Variants in CCDC88C observed in about 807,000 individuals in gnomAD.
The protein encoded by CCDC88C is coiled-coil and HOOK domain protein 88C.
CCDC88C carries 131 observed loss-of-function variants against 198.8 expected under a neutral mutation model. The observed-to-expected ratio is 0.66, with a 90% CI of 0.57 to 0.76. The LOEUF (loss-of-function observed/expected upper bound fraction) is 0.76. Ranked by LOEUF, CCDC88C falls within the 30% of genes least tolerant of loss-of-function variation. The probability of loss-of-function intolerance (pLI) is 0.00; values close to 1 mark genes in which losing one functional copy is unlikely to be tolerated. For missense variants in CCDC88C, 2,553 were observed against 2,631.6 expected (o/e 0.97, Z 0.65); for synonymous variants, 1,166 against 1,114.7 (o/e 1.05, Z -0.92).
intron 20 of CCDC88C, among the ~76,000 whole-genome samples, chr14:91,301,060 A>G (rs1193927320): frequency 6.6e-6 from 1 of 152,184 alleles, no homozygotes; most frequent in African/African-American, 2.4e-5. Flanking sequence ...TTAATCAAGC[A>G]TGTCTCTAAC....
intron 3 of CCDC88C, chr14:91,379,933 GC>G: frequency 1.4e-6 from 1 of 702,914 alleles, no homozygotes; most frequent in South Asian, 1.5e-5. Context: ...GCGTTTGGGG[GC>G]TGAATACAGG....
chr14:91,274,068 C>A (rs1889856303), intron 29 of CCDC88C, among the ~76,000 whole-genome samples: 1 of 151,844 alleles, frequency 6.6e-6, no homozygotes, highest in African/African-American at 2.4e-5. Context: ...CCCCGGTCAC[C>A]CCGGGACATC....
rs923438306 is a variant in CCDC88C, at chr14:91,281,511, C to A, written c.4645G>T (p.Asp1549Tyr). Residue 1549 changes from aspartate (D) to tyrosine (Y), a missense_variant, in exon 27 of 30, where the codon GAC becomes TAC. Asp to Tyr is a radical substitution (Grantham distance 160, BLOSUM62 -3). Transcript: ENST00000389857. ...TCCAGGGATGGCTCACAGAGGTTGT[C>A]ATCTGAGTTATAGCCTAAGGTGAAA... is the stretch of plus-strand genomic sequence containing the variant. Reference protein sequence around the residue: ...PGRTKGYNSDDNLCEPSLEFE... With the variant: ...PGRTKGYNSDYNLCEPSLEFE... 4 of 1,613,728 alleles carry A rather than the reference C, an allele frequency of 2.5e-6. No homozygotes were observed. The African/African-American group carries it at 4.0e-5, about 16-fold the overall frequency.
intron 4 of CCDC88C, among the ~76,000 whole-genome samples, chr14:91,346,573 G>A (rs1018693123): frequency 3.3e-5 from 5 of 151,828 alleles, no homozygotes; most frequent in African/African-American, 9.7e-5. Context: ...CCCTATTAAC[G>A]TGGAGCTATT....
chr14:91,305,890 C>A lies in CCDC88C; in HGVS notation c.3232G>T (p.Glu1078Ter). 2 of 1,613,834 alleles carry A rather than the reference C, an allele frequency of 1.2e-6. No homozygotes were observed. Among genetic ancestry groups the A allele is most frequent in the South Asian group, 1.1e-5 (1 of 91,074 alleles). The change falls in exon 19 of 30, where the codon GAA becomes TAA. Residue 1078 changes from glutamate (E) to a stop codon, truncating the protein, a stop_gained. Coordinates refer to ENST00000389857, the MANE Select transcript of CCDC88C (RefSeq NM_001080414.4). LOFTEE classifies it high-confidence loss of function. The stretch of plus-strand genomic sequence containing the variant: ...TGGGTCTCCAGGTGCTGCAGCTGTT[C>A]CTTTAGCAGCTGCTTCTCAGCCTGC... ...ALQAEKQLLK[E>*]QLQHLETQNV...
intron 4 of CCDC88C, among the ~76,000 whole-genome samples, chr14:91,354,424 T>A (rs886325971): frequency 6.6e-6 from 1 of 152,228 alleles, no homozygotes; most frequent in Non-Finnish European, 1.5e-5. Flanking sequence ...AGACGTGAGC[T>A]CTTGCTTCTC....
At chr14:91,308,260 C>CA in intron 17 of CCDC88C, 91 bp downstream of exon 17, 1 of 1,478,418 alleles carries the variant, frequency 6.8e-7, no homozygotes, top group Non-Finnish European at 9.2e-7. Context: ...AATGGGTATC[C>CA]AGGCCACCCC....
intron 3 of CCDC88C, among the ~76,000 whole-genome samples, chr14:91,401,346 A>ATATT (rs1555430009): frequency 1.3e-3 from 171 of 127,034 alleles, no homozygotes; most frequent in African/African-American, 4.4e-3. Context: ...ATATATATAT[A>ATATT]TTTTTTGAGA....
In CCDC88C at chr14:91,352,899, C is replaced by T. The variant is rs1893879849; in HGVS notation, c.340+6743G>A. Among the ~76,000 whole-genome samples the T allele has an allele frequency of 6.6e-6, 1 of 152,168 alleles. No individual in the cohort carries two copies. The highest frequency in any genetic ancestry group is 1.5e-5 in the Non-Finnish European group (1 of 68,028). Reference sequence around the variant, plus strand: ...CAGCAGGAGGACTGTTCCTCACAAGCCGGACTCTGAGCCTGTGCCTGGGTT... The same window carrying T: ...CAGCAGGAGGACTGTTCCTCACAAGTCGGACTCTGAGCCTGTGCCTGGGTT... On this transcript the variant is annotated intron_variant, in intron 4 of 29. Coordinates refer to ENST00000389857, the MANE Select transcript of CCDC88C (RefSeq NM_001080414.4). This position sits in a 1 kb window ranked among gnomAD's most constrained non-coding sequence, Gnocchi z 4.2.
rs1488766520 is a variant in CCDC88C, at chr14:91,371,060, C to G, written c.271-11349G>C. 6.6e-6 allele frequency among the ~76,000 whole-genome samples: 1 copy of G among 152,132 alleles called. No homozygotes were observed. The highest frequency in any genetic ancestry group is 1.5e-5 in the Non-Finnish European group (1 of 68,014). On this transcript the variant is annotated intron_variant, in intron 3 of 29. Transcript: ENST00000389857. This position sits in a 1 kb window ranked among gnomAD's most constrained non-coding sequence, Gnocchi z 4.2. ...AGGATTAGGCTAAGGATGGAGAGAG[C>G]AGGACCCTTTCCCCACAGGACAGCA...
At chr14:91,362,330 C>G (rs1425158780) in intron 3 of CCDC88C, among the ~76,000 whole-genome samples, 1 of 152,130 alleles carries the variant, frequency 6.6e-6, no homozygotes, top group Non-Finnish European at 1.5e-5. Context: ...ATCCCCTTTC[C>G]AACTCTTGGC....
At chr14:91,283,685 G>C in intron 25 of CCDC88C, 168 bp from the exon 26 acceptor site, 1 of 651,456 alleles carries the variant, frequency 1.5e-6, no homozygotes, top group East Asian at 2.7e-5. Context: ...GGCGGGGCAG[G>C]TGGGGGCAAG....
intron 29 of CCDC88C, among the ~76,000 whole-genome samples, chr14:91,277,357 CG>C (rs1890008905): frequency 6.6e-6 from 1 of 152,138 alleles, no homozygotes; most frequent in African/African-American, 2.4e-5. Flanking sequence ...TTTGTAAAAA[CG>C]TATTTCACAT....
chr14:91,308,228 C>T (rs571711128), intron 17 of CCDC88C, 123 bp downstream of exon 17: 42 of 1,124,716 alleles, frequency 3.7e-5, no homozygotes, highest in African/African-American at 3.1e-4. Context: ...CACTCTGTGG[C>T]GCATCTACCC....
In CCDC88C at chr14:91,305,223, AAATAATTT is replaced by A. The variant is rs772127925; in HGVS notation, c.3357+534_3357+541del. Among the ~76,000 whole-genome samples the A allele has an allele frequency of 1.4e-4, 21 of 152,322 alleles. No individual in the cohort carries two copies. In the South Asian group the frequency reaches 1.5e-3, roughly 11 times the overall value. On this transcript the variant is annotated intron_variant, in intron 19 of 29. Transcript: ENST00000389857. The stretch of plus-strand genomic sequence containing the variant: ...AAAACAAACAAACAAAAACTGCAAT[AAATAATTT>A]ATTTCCCCACAGTCTATAGGCGATA...
intron 3 of CCDC88C, among the ~76,000 whole-genome samples, chr14:91,363,323 C>A (rs1345164407): frequency 6.7e-6 from 1 of 149,246 alleles, no homozygotes; most frequent in African/African-American, 2.6e-5. Context: ...GTTGCCCAGG[C>A]TAGTCTTGAA....
intron 25 of CCDC88C, among the ~76,000 whole-genome samples, chr14:91,287,982 A>G (rs1890487817): frequency 6.6e-6 from 1 of 152,214 alleles, no homozygotes; most frequent in Non-Finnish European, 1.5e-5. Context: ...GGAAATTAGG[A>G]GGCAATTTCA....
chr14:91,375,700 C>T (rs1884366073), intron 3 of CCDC88C, among the ~76,000 whole-genome samples: 1 of 152,168 alleles, frequency 6.6e-6, no homozygotes, highest in African/African-American at 2.4e-5. Context: ...CTGTGCCAGC[C>T]CTGCCTCGGC....
chr14:91,399,563 C>T (rs1886048226), intron 3 of CCDC88C, among the ~76,000 whole-genome samples: 1 of 152,176 alleles, frequency 6.6e-6, no homozygotes, highest in African/African-American at 2.4e-5. Context: ...CTAGGCCAGG[C>T]TCAGTGGCTC....
Sources: gnomAD v4.1 joint callset for allele counts (sites outside exome capture counted in the v4.1 genomes callset) on GRCh38, gnomAD v4.1.1 for gene constraint, Gnocchi (gnomAD v3.1) non-coding constraint, MANE v1.5 for transcripts, NCBI Gene and HGNC (gene_info 2026-07-23, HGNC 2026-07-21) for gene names.